The following PTPRD variants were observed in gnomAD, a reference collection of about 807,000 sequenced individuals.
The protein encoded by PTPRD is receptor-type tyrosine-protein phosphatase delta.
In PTPRD, 34 loss-of-function variants were observed where a neutral mutation model predicts 214.5. The ratio of observed to expected loss-of-function variants is 0.16; its 90% CI spans 0.12 to 0.21. The LOEUF is 0.21. Among genes scored for constraint, PTPRD ranks in the 10% least tolerant of loss-of-function variants. The probability of loss-of-function intolerance (pLI) is 1.00; values close to 1 mark genes in which losing one functional copy is unlikely to be tolerated. For missense variants in PTPRD, 2,545 were observed against 2,398.7 expected, an observed-to-expected ratio of 1.06 and a Z score of -1.27; for synonymous variants, 1,128 against 845.7, an observed-to-expected ratio of 1.33 and a Z score of -5.79.
chr9:9,715,192 C>G (rs761464333), intron 7 of PTPRD, among the ~76,000 whole-genome samples: 1 of 152,176 alleles, frequency 6.6e-6, no homozygotes, highest in Non-Finnish European at 1.5e-5. Context: ...CATTCTTCCA[C>G]TGGTATGCGT....
At chr9:10,428,720 T>A (rs1189465575) in intron 2 of PTPRD, among the ~76,000 whole-genome samples, 2 of 152,086 alleles carry the variant, frequency 1.3e-5, no homozygotes, top group Non-Finnish European at 1.5e-5. Context: ...CTAAAATCTA[T>A]GGAATATTCT....
intron 7 of PTPRD, among the ~76,000 whole-genome samples, chr9:9,676,926 T>C (rs551141499): frequency 2.1e-3 from 323 of 152,310 alleles, no homozygotes; most frequent in African/African-American, 7.4e-3. Flanking sequence ...AATGTCTTCT[T>C]TTGAGAAGTG....
At chr9:9,983,700 A>C (rs2095617277) in intron 4 of PTPRD, among the ~76,000 whole-genome samples, 1 of 152,266 alleles carries the variant, frequency 6.6e-6, no homozygotes, top group African/African-American at 2.4e-5. Context: ...AAATAACTGC[A>C]ACATACTTAC....
intron 33 of PTPRD, chr9:8,451,815 ATTGTG>A (rs2095964787): frequency 2.2e-6 from 1 of 453,828 alleles, no homozygotes; most frequent in Non-Finnish European, 4.4e-6. Context: ...CTCCCTTCCC[ATTGTG>A]GCTCTGCCAT....
At chr9:10,280,117 T>G (rs2095010974) in intron 3 of PTPRD, among the ~76,000 whole-genome samples, 1 of 152,152 alleles carries the variant, frequency 6.6e-6, no homozygotes, top group Non-Finnish European at 1.5e-5. Flanking sequence ...GCTGAAAGAT[T>G]CAAATAAATC....
At chr9:10,214,284 G>C (rs114347677) in intron 3 of PTPRD, among the ~76,000 whole-genome samples, 1,803 of 151,948 alleles carry the variant, frequency 0.012, 35 homozygotes, top group African/African-American at 0.041. Flanking sequence ...TTGTTTGTTT[G>C]TTTGTTTTTG....
rs114769022 is a variant in PTPRD at position 10,399,471 on chromosome 9, C to T, written c.-599-58454G>A. 7.1e-3 allele frequency among the ~76,000 whole-genome samples: 1,074 copies of T among 151,976 alleles called. 10 individuals are homozygous for T. Among genetic ancestry groups the T allele is most frequent in the African/African-American group, 0.024 (1,003 of 41,500 alleles). ...TATTTAATACAACAAACACTGAGTT[C>T]CTAAAATGTGTTCAGGCAGTGGTGT... is the stretch of plus-strand genomic sequence containing the variant. On this transcript the variant is annotated intron_variant, in intron 2 of 45. Transcript: ENST00000381196.
At chr9:9,180,818 C>A (rs899630036) in intron 10 of PTPRD, among the ~76,000 whole-genome samples, 1 of 152,030 alleles carries the variant, frequency 6.6e-6, no homozygotes, top group Non-Finnish European at 1.5e-5. Context: ...TTGAGCTTCA[C>A]CCAAGTGTCT....
At chr9:10,069,428 G>A (rs191625474) in intron 3 of PTPRD, among the ~76,000 whole-genome samples, 18 of 152,148 alleles carry the variant, frequency 1.2e-4, no homozygotes, top group Admixed American at 1.1e-3. Flanking sequence ...GCTCCCTATT[G>A]GAGCTGGATT....
intron 33 of PTPRD, among the ~76,000 whole-genome samples, chr9:8,453,971 A>T (rs757925149): frequency 6.6e-6 from 1 of 152,244 alleles, no homozygotes; most frequent in Non-Finnish European, 1.5e-5. Flanking sequence ...ATATTTATAC[A>T]TAAGTGTATA....
At chr9:10,282,375 G>T (rs553737024) in intron 3 of PTPRD, among the ~76,000 whole-genome samples, 2 of 152,086 alleles carry the variant, frequency 1.3e-5, no homozygotes, top group Non-Finnish European at 2.9e-5. Context: ...AGGTTTGTCT[G>T]AAAAGAAACA....
At chr9:9,106,757 A>T (rs534301362) in intron 10 of PTPRD, among the ~76,000 whole-genome samples, 1 of 152,112 alleles carries the variant, frequency 6.6e-6, no homozygotes, top group Non-Finnish European at 1.5e-5. Flanking sequence ...ATTTCAATAC[A>T]TGATAGTTGT....
intron 11 of PTPRD, among the ~76,000 whole-genome samples, chr9:8,926,758 C>T (rs142949498): frequency 6.6e-6 from 1 of 152,314 alleles, no homozygotes; most frequent in Non-Finnish European, 1.5e-5. Context: ...AGGCTGTGCA[C>T]TTACTGAGTG....
chr9:9,525,959 C>T (rs1256227596), intron 8 of PTPRD, among the ~76,000 whole-genome samples: 1 of 152,046 alleles, frequency 6.6e-6, no homozygotes, highest in African/African-American at 2.4e-5. Flanking sequence ...TCCTTTCAAA[C>T]CATCATTGTT....
At chr9:9,652,090 C>T (rs1383232836) in intron 7 of PTPRD, among the ~76,000 whole-genome samples, 1 of 152,112 alleles carries the variant, frequency 6.6e-6, no homozygotes, top group Non-Finnish European at 1.5e-5. Flanking sequence ...ATCCGCCTGC[C>T]TTGGCCTCCC....
intron 11 of PTPRD, among the ~76,000 whole-genome samples, chr9:8,926,152 G>T (rs915294091): frequency 1.3e-5 from 2 of 151,982 alleles, no homozygotes; most frequent in Middle Eastern, 3.4e-3. Context: ...TACTCCATTT[G>T]CCCAAACTGC....
At chr9:8,583,102 C>G (rs1463165427) in intron 14 of PTPRD, among the ~76,000 whole-genome samples, 1 of 152,182 alleles carries the variant, frequency 6.6e-6, no homozygotes, top group Non-Finnish European at 1.5e-5. Context: ...GATCATAAGG[C>G]ATTAGATTCT....
chr9:9,588,158 G>A (rs1049549874), intron 7 of PTPRD, among the ~76,000 whole-genome samples: 5 of 151,668 alleles, frequency 3.3e-5, no homozygotes, highest in Admixed American at 6.6e-5. Flanking sequence ...AATAGACCCA[G>A]TGAAGCTATG....
Position 9,918,683 on chromosome 9 carries a change from C to T in PTPRD, c.-368+19824G>A, listed in dbSNP as rs1054938365. 2.0e-5 allele frequency among the ~76,000 whole-genome samples: 3 copies of T among 151,848 alleles called. No homozygotes were observed. The South Asian group carries it at 6.2e-4, about 31-fold the overall frequency. On this transcript the variant is annotated intron_variant, in intron 5 of 45. Transcript: ENST00000381196. Reference sequence around the variant, plus strand: ...CAAAGCTGTAGTAACTGTAAAACAGCATAACACTGGCATAAAAACAGAAAG... The same window carrying T: ...CAAAGCTGTAGTAACTGTAAAACAGTATAACACTGGCATAAAAACAGAAAG...
Sources: allele counts gnomAD v4.1 joint callset (sites outside exome capture counted in the v4.1 genomes callset), GRCh38; gene constraint gnomAD v4.1.1; transcripts MANE v1.5; gene names NCBI Gene and HGNC (gene_info 2026-07-23, HGNC 2026-07-21).